Variants in TMPRSS15 observed in about 807,000 individuals in gnomAD.
TMPRSS15 encodes transmembrane serine protease 15.
Under a neutral mutation model 125.3 loss-of-function variants are expected in TMPRSS15, and 128 were observed. The observed-to-expected ratio is 1.02, with a 90% confidence interval of 0.89 to 1.18. The LOEUF (loss-of-function observed/expected upper bound fraction) is 1.18, where lower values mean the gene tolerates loss of function less well. Among genes scored for constraint, TMPRSS15 ranks in the 50% most tolerant of loss-of-function variants. The probability of loss-of-function intolerance (pLI) is 0.00; values close to 1 mark genes in which losing one functional copy is unlikely to be tolerated. For missense variants in TMPRSS15, 1,283 were observed against 1,212.7 expected, an observed-to-expected ratio of 1.06 and a Z score of -0.86; for synonymous variants, 446 against 423.2, an observed-to-expected ratio of 1.05 and a Z score of -0.66.
intron 1 of TMPRSS15, among the ~76,000 whole-genome samples, chr21:18,411,545 C>T (rs545654641): frequency 6.6e-6 from 1 of 152,276 alleles, no homozygotes; most frequent in Non-Finnish European, 1.5e-5. Flanking sequence ...CTATGTGAGA[C>T]TATCTTTTAA....
At chr21:18,434,183 A>G (rs1349561444) in intron 1 of TMPRSS15, among the ~76,000 whole-genome samples, 1 of 152,218 alleles carries the variant, frequency 6.6e-6, no homozygotes, top group African/African-American at 2.4e-5. Context: ...CTACTTCAAT[A>G]AAAGGAAGAC....
At chr21:18,357,563 A>C (rs943629727) in intron 8 of TMPRSS15, among the ~76,000 whole-genome samples, 4 of 151,854 alleles carry the variant, frequency 2.6e-5, no homozygotes, top group African/African-American at 7.2e-5. Flanking sequence ...ACTATTTGAG[A>C]TTGTATATTT....
At chr21:18,434,969 C>T (rs940764678) in intron 1 of TMPRSS15, among the ~76,000 whole-genome samples, 3 of 151,944 alleles carry the variant, frequency 2.0e-5, no homozygotes, top group African/African-American at 7.3e-5. Context: ...TTTTTTTCAT[C>T]CTTGATGTTC....
intron 1 of TMPRSS15, among the ~76,000 whole-genome samples, chr21:18,475,106 C>T (rs1978853912): frequency 6.6e-6 from 1 of 151,950 alleles, no homozygotes; most frequent in Non-Finnish European, 1.5e-5. Context: ...TGTTTTTTTC[C>T]AATAGAGGCT....
intron 16 of TMPRSS15, among the ~76,000 whole-genome samples, chr21:18,317,904 C>CATCCT (rs1214598435): frequency 4.4e-5 from 6 of 135,830 alleles, no homozygotes; most frequent in South Asian, 4.9e-4. Context: ...CATCCCATCC[C>CATCCT]ATCCTATCCC....
At chr21:18,308,044 C>T (rs752775882) in intron 18 of TMPRSS15, among the ~76,000 whole-genome samples, 1 of 152,092 alleles carries the variant, frequency 6.6e-6, no homozygotes, top group Non-Finnish European at 1.5e-5. Context: ...GTCAAGTCCC[C>T]AGTCTCCTTA....
intron 16 of TMPRSS15, among the ~76,000 whole-genome samples, chr21:18,316,170 A>G (rs2075164924): frequency 6.6e-6 from 1 of 152,180 alleles, no homozygotes; most frequent in South Asian, 2.1e-4. Flanking sequence ...GTAGCTTTAG[A>G]AGAGTGTGGA....
chr21:18,289,864 G>C (rs1366596112), intron 21 of TMPRSS15, among the ~76,000 whole-genome samples: 1 of 152,174 alleles, frequency 6.6e-6, no homozygotes, highest in Non-Finnish European at 1.5e-5. Flanking sequence ...GAAACTTTTT[G>C]GGTGATTGGA....
chr21:18,330,987 G>A (rs185599215), intron 14 of TMPRSS15, among the ~76,000 whole-genome samples: 8 of 151,418 alleles, frequency 5.3e-5, no homozygotes, highest in African/African-American at 1.9e-4. Flanking sequence ...GCAGGAGAAT[G>A]GCGTGAACCC....
At chr21:18,447,350 G>A (rs1412505785) in intron 1 of TMPRSS15, among the ~76,000 whole-genome samples, 1 of 139,434 alleles carries the variant, frequency 7.2e-6, no homozygotes, top group Non-Finnish European at 1.5e-5. Flanking sequence ...TGAGACAGGA[G>A]AATTGCTTGA....
At chr21:18,306,728 G>T (rs908102332) in intron 18 of TMPRSS15, among the ~76,000 whole-genome samples, 2 of 151,478 alleles carry the variant, frequency 1.3e-5, no homozygotes, top group Non-Finnish European at 2.9e-5. Context: ...TATATATTGG[G>T]TTAGTAACAG....
chr21:18,445,792 G>A (rs2076254495), intron 1 of TMPRSS15, among the ~76,000 whole-genome samples: 1 of 152,162 alleles, frequency 6.6e-6, no homozygotes. Context: ...CAAACTGGAG[G>A]TAGAAGACTA....
intron 1 of TMPRSS15, among the ~76,000 whole-genome samples, chr21:18,482,226 C>T (rs1024446618): frequency 1.9e-4 from 29 of 151,154 alleles, no homozygotes; most frequent in Non-Finnish European, 3.4e-4. Flanking sequence ...CCAATATGAA[C>T]ACCAATTTTG....
intron 18 of TMPRSS15, among the ~76,000 whole-genome samples, chr21:18,300,537 G>A: frequency 6.6e-6 from 1 of 151,190 alleles, no homozygotes; most frequent in Non-Finnish European, 1.5e-5. Context: ...TAGAGAGGGT[G>A]TTTCACTATG....
Position 18,482,075 on chromosome 21 carries a change from AATT to A in TMPRSS15, c.10+3721_10+3723del, listed in dbSNP as rs528720509. The stretch of plus-strand genomic sequence containing the variant: ...AATTTTATCTACGATATATTATTTC[AATT>A]ATTTTATATACATCTTCACTTCTAA... On this transcript the variant is annotated intron_variant, in intron 1 of 7. Transcript: ENST00000422787. Among the ~76,000 whole-genome samples, 837 of 151,614 alleles carry A rather than the reference AATT, an allele frequency of 5.5e-3. 5 individuals carry two copies. The highest frequency in any genetic ancestry group is 9.5e-3 in the Non-Finnish European group (640 of 67,660).
chr21:18,324,578 G>C (rs1442828162), intron 16 of TMPRSS15, among the ~76,000 whole-genome samples: 1 of 152,080 alleles, frequency 6.6e-6, no homozygotes, highest in Non-Finnish European at 1.5e-5. Context: ...ACTGTGCAAA[G>C]ACTATTCTAT....
chr21:18,372,565 C>T (rs2075802659), intron 5 of TMPRSS15, among the ~76,000 whole-genome samples: 2 of 152,286 alleles, frequency 1.3e-5, no homozygotes, highest in South Asian at 4.1e-4. Context: ...GCAGCCACTT[C>T]ATTTACTCAT....
chr21:18,368,539 G>A (rs549036444), intron 6 of TMPRSS15, among the ~76,000 whole-genome samples: 20 of 152,350 alleles, frequency 1.3e-4, no homozygotes, highest in Non-Finnish European at 2.4e-4. Flanking sequence ...AGAGTGGCAA[G>A]TAAGGAGCAG....
intron 1 of TMPRSS15, among the ~76,000 whole-genome samples, chr21:18,484,287 A>T (rs1979037459): frequency 6.6e-6 from 1 of 151,910 alleles, no homozygotes; most frequent in Non-Finnish European, 1.5e-5. Flanking sequence ...TTAGTCTTTA[A>T]GGAGGTCCAT....
Sources: gnomAD v4.1 joint callset for allele counts (sites outside exome capture counted in the v4.1 genomes callset) on GRCh38, gnomAD v4.1.1 for gene constraint, MANE v1.5 for transcripts, NCBI Gene and HGNC (gene_info 2026-07-23, HGNC 2026-07-21) for gene names.